The following TYW1B variants were observed in gnomAD, a reference collection of about 807,000 sequenced individuals.
The protein encoded by TYW1B is tRNA-yW synthesizing protein 1 homolog B.
In TYW1B, 73 loss-of-function variants were observed where a neutral mutation model predicts 86.9. The ratio of observed to expected loss-of-function variants is 0.84; its 90% CI spans 0.70 to 1.02. TYW1B has a LOEUF of 1.02. Ranked by LOEUF, TYW1B falls within the 50% of genes least tolerant of loss-of-function variation. The pLI, the probability that TYW1B is intolerant of heterozygous loss-of-function variation, is 0.00. For missense variants in TYW1B, 637 were observed against 827.4 expected, an observed-to-expected ratio of 0.77 and a Z score of 2.82; for synonymous variants, 248 against 292.8, an observed-to-expected ratio of 0.85 and a Z score of 1.56.
At chr7:72,595,075 G>C (rs1563022868) in intron 13 of TYW1B, among the ~76,000 whole-genome samples, 1 of 152,170 alleles carries the variant, frequency 6.6e-6, no homozygotes, top group East Asian at 1.9e-4. Context: ...CTCTAAAATA[G>C]AGCAAGGCAA....
At chr7:72,694,426 A>G (rs564551924) in intron 11 of TYW1B, among the ~76,000 whole-genome samples, 4 of 152,356 alleles carry the variant, frequency 2.6e-5, no homozygotes, top group African/African-American at 9.6e-5. Context: ...CCCTCTCCTT[A>G]AATGAATGAA....
rs183727728 is a variant in TYW1B at position 72,703,758 on chromosome 7, G to C, written c.1371-8936C>G. Among the ~76,000 whole-genome samples, 3 of 151,876 alleles carry C rather than the reference G, an allele frequency of 2.0e-5. No homozygotes were observed. The East Asian group carries it at 5.9e-4, about 30-fold the overall frequency. On this transcript the variant is annotated intron_variant, in intron 10 of 13. Coordinates refer to ENST00000620995, the MANE Select transcript of TYW1B (RefSeq NM_001145440.3). ...TAGTCCTAGCTACTGGGGATGGTGA[G>C]GTGGGAGAATCACTTGAATTCGAAA...
chr7:72,645,723 T>G (rs1812912851), intron 11 of TYW1B, among the ~76,000 whole-genome samples: 1 of 152,214 alleles, frequency 6.6e-6, no homozygotes, highest in South Asian at 2.1e-4. Flanking sequence ...CAGGCAAATC[T>G]ACCTTACGGT....
chr7:72,782,247 C>T (rs1788061989), intron 6 of TYW1B, among the ~76,000 whole-genome samples: 1 of 151,982 alleles, frequency 6.6e-6, no homozygotes, highest in African/African-American at 2.4e-5. Context: ...TATGATCACA[C>T]CACTGCACTC....
intron 7 of TYW1B, among the ~76,000 whole-genome samples, chr7:72,752,656 A>T (rs1231878579): frequency 6.6e-6 from 1 of 152,108 alleles, no homozygotes; most frequent in Non-Finnish European, 1.5e-5. Context: ...TCTTGAACCT[A>T]GGAGACAAAG....
At position 72,743,861 on chromosome 7, in the gene TYW1B, A is replaced by T. The variant is rs550283927; in HGVS notation, c.1082+623T>A. ...CTCCATCTCAAAAAAAAAAAAAAAGAAAGAAAAGAAAAAGAAATGGGTTAG... is the reference window on the plus strand; with the variant it reads ...CTCCATCTCAAAAAAAAAAAAAAAGTAAGAAAAGAAAAAGAAATGGGTTAG... On this transcript the variant is annotated intron_variant, in intron 8 of 13. Coordinates refer to ENST00000620995, the MANE Select transcript of TYW1B (RefSeq NM_001145440.3). Among the ~76,000 whole-genome samples the T allele has an allele frequency of 2.9e-4, 43 of 150,712 alleles. 1 individual carries two copies. In the East Asian group the frequency reaches 7.8e-3, roughly 27 times the overall value.
intron 6 of TYW1B, among the ~76,000 whole-genome samples, chr7:72,790,524 G>A (rs1788202883): frequency 6.6e-6 from 1 of 152,138 alleles, no homozygotes; most frequent in Non-Finnish European, 1.5e-5. Context: ...CCCAGGATGG[G>A]CCCACACCCT....
rs13310090 is a variant in TYW1B at position 72,732,058 on chromosome 7, C to T, written c.1083-3127G>A. Among the ~76,000 whole-genome samples, 5 of 129,574 alleles carry T rather than the reference C, an allele frequency of 3.9e-5. No individual in the cohort carries two copies. The South Asian group carries it at 1.4e-3, about 36-fold the overall frequency. The allele number at this position is 129,574 out of a possible 152,430, so 85.0% of individuals were successfully genotyped here. Reference sequence around the variant, plus strand: ...CACCAAGGAAAAGGTCATTGTGTAACGATAAAGGAATCACTGCAGCAAGAT... The same window carrying T: ...CACCAAGGAAAAGGTCATTGTGTAATGATAAAGGAATCACTGCAGCAAGAT... On this transcript the variant is annotated intron_variant, in intron 8 of 13. Coordinates refer to ENST00000620995, the MANE Select transcript of TYW1B (RefSeq NM_001145440.3).
chr7:72,638,435 T>C (rs1453783568), intron 11 of TYW1B, among the ~76,000 whole-genome samples: 1 of 152,166 alleles, frequency 6.6e-6, no homozygotes, highest in African/African-American at 2.4e-5. Flanking sequence ...ATTATATCAA[T>C]AGATGCCAAA....
chr7:72,583,385 G>A (rs1203659081), intron 13 of TYW1B, among the ~76,000 whole-genome samples: 1 of 152,100 alleles, frequency 6.6e-6, no homozygotes, highest in African/African-American at 2.4e-5. Flanking sequence ...TGGCGGGTTG[G>A]GGGTGCAGGG....
chr7:72,810,810 G>C, intron 3 of TYW1B, 145 bp from the exon 4 acceptor site: 1 of 1,195,784 alleles, frequency 8.4e-7, no homozygotes, highest in Non-Finnish European at 1.2e-6. Context: ...TGAAGGGCCT[G>C]ACTAAGAAAC....
intron 11 of TYW1B, among the ~76,000 whole-genome samples, chr7:72,677,478 T>TA (rs1236630033): frequency 1.3e-5 from 2 of 151,972 alleles, no homozygotes; most frequent in Non-Finnish European, 2.9e-5. Context: ...ACCTCAATTA[T>TA]AAAAAAACAC....
intron 7 of TYW1B, among the ~76,000 whole-genome samples, chr7:72,749,903 GT>G (rs1279759217): frequency 1.3e-5 from 1 of 74,980 alleles, no homozygotes; most frequent in Non-Finnish European, 3.0e-5. Context: ...TTCTATGTTG[GT>G]TTTTTTTGTT....
At chr7:72,805,528 C>T (rs782291220) in intron 5 of TYW1B, among the ~76,000 whole-genome samples, 1 of 151,634 alleles carries the variant, frequency 6.6e-6, no homozygotes, top group Non-Finnish European at 1.5e-5. Flanking sequence ...GGGAGGATCA[C>T]CACTGCCTGG....
chr7:72,759,145 A>G (rs1371898777), intron 7 of TYW1B, among the ~76,000 whole-genome samples: 2 of 152,176 alleles, frequency 1.3e-5, no homozygotes, highest in Non-Finnish European at 2.9e-5. Flanking sequence ...AGCCTGAGCA[A>G]CATGGCGAAA....
chr7:72,698,888 G>T (rs1814389471), intron 10 of TYW1B, among the ~76,000 whole-genome samples: 3 of 152,168 alleles, frequency 2.0e-5, no homozygotes. Flanking sequence ...CCTAAGAGAA[G>T]CCAAAACAAC....
chr7:72,810,386 GTGTGTT>G (rs11281952), intron 4 of TYW1B, 79 bp downstream of exon 4: 1,014,423 of 1,412,022 alleles, frequency 0.72, 370,112 homozygotes, highest in Non-Finnish European at 0.75. Flanking sequence ...GTGTGTGCAC[GTGTGTT>G]TGTGTGTGTG....
At chr7:72,632,636 T>A (rs1318215739) in intron 11 of TYW1B, among the ~76,000 whole-genome samples, 2 of 146,068 alleles carry the variant, frequency 1.4e-5, no homozygotes, top group African/African-American at 5.1e-5. Context: ...ATAATGTAAT[T>A]CCAATGAGAG....
intron 7 of TYW1B, among the ~76,000 whole-genome samples, chr7:72,752,939 G>C (rs1227879296): frequency 6.6e-6 from 1 of 152,104 alleles, no homozygotes; most frequent in East Asian, 1.9e-4. Flanking sequence ...GTAATGGATG[G>C]AGTTGATGAA....
Sources: allele counts gnomAD v4.1 joint callset (sites outside exome capture counted in the v4.1 genomes callset), GRCh38; gene constraint gnomAD v4.1.1; transcripts MANE v1.5; gene names NCBI Gene and HGNC (gene_info 2026-07-23, HGNC 2026-07-21).